The following UNC13C variants were observed in gnomAD, a reference collection of about 807,000 sequenced individuals.
The protein encoded by UNC13C is unc-13 homolog C.
Under a neutral mutation model 245.4 loss-of-function variants are expected in UNC13C, and 174 were observed. The observed-to-expected ratio is 0.71, with a 90% CI of 0.63 to 0.80. UNC13C has a LOEUF of 0.80. UNC13C is among the 30% of genes least tolerant of loss of function. UNC13C has a pLI of 0.00. For missense variants in UNC13C, 2,829 were observed against 2,602.9 expected, an observed-to-expected ratio of 1.09 and a Z score of -1.89; for synonymous variants, 992 against 895.1, an observed-to-expected ratio of 1.11 and a Z score of -1.93.
intron 4 of UNC13C, 64 bp downstream of exon 4, chr15:54,143,748 C>A: frequency 3.1e-6 from 4 of 1,281,882 alleles, no homozygotes; most frequent in Non-Finnish European, 4.5e-6. Context: ...GTGTTCTCAA[C>A]ATATATGCTT....
At chr15:54,472,126 T>C (rs1892495842) in intron 19 of UNC13C, among the ~76,000 whole-genome samples, 1 of 151,848 alleles carries the variant, frequency 6.6e-6, no homozygotes, top group Non-Finnish European at 1.5e-5. Context: ...GTACATCTAT[T>C]ATAGCCTTTT....
intron 4 of UNC13C, among the ~76,000 whole-genome samples, chr15:54,219,877 A>C (rs1275456052): frequency 2.0e-5 from 3 of 152,004 alleles, no homozygotes; most frequent in Admixed American, 6.6e-5. Flanking sequence ...AGAGAAATGC[A>C]AATCAAAACC....
At chr15:54,584,257 T>C (rs1171451483) in intron 30 of UNC13C, among the ~76,000 whole-genome samples, 1 of 152,254 alleles carries the variant, frequency 6.6e-6, no homozygotes, top group Non-Finnish European at 1.5e-5. Flanking sequence ...ATATTTATAC[T>C]GTAAAATGTG....
intron 2 of UNC13C, among the ~76,000 whole-genome samples, chr15:54,020,746 C>T (rs1168122266): frequency 2.6e-5 from 4 of 152,106 alleles, no homozygotes; most frequent in Non-Finnish European, 5.9e-5. Flanking sequence ...TAGAAATCAT[C>T]TGTATCAAAA....
In UNC13C at chr15:54,237,631, C is replaced by A. The variant is rs777356905; in HGVS notation, c.3169C>A (p.Arg1057=). 1.9e-6 allele frequency: 3 copies of A among 1,612,024 alleles called. No individual in the cohort carries two copies. The highest frequency in any genetic ancestry group is 8.5e-7 in the Non-Finnish European group (1 of 1,179,170). ...CTGTTTGTTTTAGACCCTGGCTGCC[C>A]GGAAATCTGGACTCTCCCTGGCTAT... ...VRDVAMTLAA[R]KSGLSLAMVI... Residue 1057 remains arginine, a synonymous_variant, in exon 7 of 33, where the codon CGG becomes AGG. Transcript: ENST00000260323.
At chr15:54,211,592 C>G (rs1284524672) in intron 4 of UNC13C, among the ~76,000 whole-genome samples, 1 of 152,024 alleles carries the variant, frequency 6.6e-6, no homozygotes, top group Non-Finnish European at 1.5e-5. Context: ...GAACCGTGGG[C>G]TAGCTCCAGT....
intron 2 of UNC13C, among the ~76,000 whole-genome samples, chr15:54,132,402 T>C (rs1046980252): frequency 3.9e-5 from 6 of 152,244 alleles, no homozygotes; most frequent in East Asian, 1.9e-4. Context: ...GTTGAGGCTG[T>C]AAATGAGTGA....
chr15:54,239,713 A>C (rs2140840267), intron 7 of UNC13C, among the ~76,000 whole-genome samples: 1 of 152,210 alleles, frequency 6.6e-6, no homozygotes, highest in Admixed American at 6.5e-5. Flanking sequence ...CAGCCTCCCA[A>C]AGTGCTGGGA....
intron 4 of UNC13C, among the ~76,000 whole-genome samples, chr15:54,231,877 C>T (rs2035563592): frequency 6.6e-6 from 1 of 152,040 alleles, no homozygotes; most frequent in African/African-American, 2.4e-5. Context: ...AACTGTGGTG[C>T]ATGAACTTAA....
At chr15:54,623,536 G>GCTAA (rs1900934358) in intron 31 of UNC13C, among the ~76,000 whole-genome samples, 1 of 152,128 alleles carries the variant, frequency 6.6e-6, no homozygotes, top group African/African-American at 2.4e-5. Flanking sequence ...GGAGGAGAGT[G>GCTAA]CTAACTTTTC....
chr15:54,232,501 G>A (rs1257635974), intron 4 of UNC13C, among the ~76,000 whole-genome samples: 2 of 152,110 alleles, frequency 1.3e-5, no homozygotes, highest in Non-Finnish European at 2.9e-5. Context: ...TTCGATTCAA[G>A]ATTCTGGGTG....
chr15:54,258,060 A>T (rs2036324671), intron 8 of UNC13C, among the ~76,000 whole-genome samples: 1 of 152,312 alleles, frequency 6.6e-6, no homozygotes, highest in Admixed American at 6.5e-5. Flanking sequence ...AAGGAATACA[A>T]AAATCCCTCA....
At chr15:54,384,901 A>T (rs906058640) in intron 17 of UNC13C, among the ~76,000 whole-genome samples, 7 of 152,170 alleles carry the variant, frequency 4.6e-5, no homozygotes, top group Non-Finnish European at 8.8e-5. Context: ...CAACAGGTAC[A>T]TAAAAAATGC....
At chr15:54,333,744 C>T (rs1397337602) in intron 15 of UNC13C, 23 bp from the exon 16 acceptor site, 2 of 1,528,232 alleles carry the variant, frequency 1.3e-6, no homozygotes, top group African/African-American at 1.4e-5. Flanking sequence ...CAACCTTATC[C>T]ATTTTGTTTC....
At chr15:54,438,937 G>C (rs953464) in intron 19 of UNC13C, among the ~76,000 whole-genome samples, 81,600 of 151,668 alleles carry the variant, frequency 0.54, 22,066 homozygotes, top group East Asian at 0.7. Context: ...ATAGCTTACT[G>C]AAATATATTT....
At chr15:54,322,190 G>A in intron 14 of UNC13C, 95 bp downstream of exon 14, 1 of 1,248,290 alleles carries the variant, frequency 8.0e-7, no homozygotes, top group Non-Finnish European at 1.1e-6. Context: ...GAATCTTATT[G>A]CAGAAAGGAC....
At chr15:54,338,125 C>G (rs958512201) in intron 16 of UNC13C, among the ~76,000 whole-genome samples, 1 of 152,150 alleles carries the variant, frequency 6.6e-6, no homozygotes, top group African/African-American at 2.4e-5. Flanking sequence ...GCATGAAGTA[C>G]TAACTGGTCA....
intron 7 of UNC13C, among the ~76,000 whole-genome samples, chr15:54,247,973 C>T (rs1482175718): frequency 6.6e-6 from 1 of 152,062 alleles, no homozygotes; most frequent in East Asian, 1.9e-4. Flanking sequence ...ACTTAGAGTA[C>T]TGACTATCAC....
chr15:54,570,910 A>G (rs1343763279), intron 30 of UNC13C, among the ~76,000 whole-genome samples: 1 of 152,208 alleles, frequency 6.6e-6, no homozygotes, highest in Non-Finnish European at 1.5e-5. Context: ...AGAGAAATAT[A>G]GAAAAGTTTA....
Sources: gnomAD v4.1 joint callset for allele counts (sites outside exome capture counted in the v4.1 genomes callset) on GRCh38, gnomAD v4.1.1 for gene constraint, MANE v1.5 for transcripts, NCBI Gene and HGNC (gene_info 2026-07-23, HGNC 2026-07-21) for gene names.